CTNNA3: variants seen among roughly 807,000 people sequenced by gnomAD.
CTNNA3 encodes catenin alpha 3, also known as catenin alpha-3.
In CTNNA3, 76 loss-of-function variants were observed where a neutral mutation model predicts 95.7. That is an observed-to-expected ratio of 0.79 (90% CI 0.66 to 0.96). CTNNA3 has a LOEUF of 0.96. Ranked by LOEUF, CTNNA3 falls within the 40% of genes least tolerant of loss-of-function variation. The probability of loss-of-function intolerance (pLI) is 0.00; values close to 1 mark genes in which losing one functional copy is unlikely to be tolerated. For missense variants in CTNNA3, 1,191 were observed against 1,089.8 expected, an observed-to-expected ratio of 1.09 and a Z score of -1.31; for synonymous variants, 431 against 374.4, an observed-to-expected ratio of 1.15 and a Z score of -1.74.
intron 7 of CTNNA3, among the ~76,000 whole-genome samples, chr10:67,018,502 G>C (rs1346694673): frequency 6.6e-6 from 1 of 152,186 alleles, no homozygotes. Flanking sequence ...TTATAAACAT[G>C]TTTGGGAACA....
At chr10:66,436,226 T>C (rs757695229) in intron 11 of CTNNA3, among the ~76,000 whole-genome samples, 5 of 152,136 alleles carry the variant, frequency 3.3e-5, no homozygotes, top group Non-Finnish European at 5.9e-5. Context: ...ATCCTGAATA[T>C]CCTTGTTAAT....
At chr10:66,015,708 A>G (rs931700490) in intron 15 of CTNNA3, among the ~76,000 whole-genome samples, 3 of 152,132 alleles carry the variant, frequency 2.0e-5, no homozygotes, top group Non-Finnish European at 2.9e-5. Context: ...CAACTTTTTC[A>G]TTACCTACAT....
intron 13 of CTNNA3, among the ~76,000 whole-genome samples, chr10:66,154,719 C>CATATATATATAT (rs569694429): frequency 0.038 from 2,858 of 74,778 alleles, 198 homozygotes; most frequent in East Asian, 0.12. Flanking sequence ...TGAAAAAGTT[C>CATATATATATAT]ATATATATAT....
chr10:66,259,141 G>A (rs2090902173), intron 13 of CTNNA3, among the ~76,000 whole-genome samples: 1 of 152,126 alleles, frequency 6.6e-6, no homozygotes, highest in African/African-American at 2.4e-5. Context: ...ACCTACAGAT[G>A]ACTATGCAAT....
intron 9 of CTNNA3, among the ~76,000 whole-genome samples, chr10:66,702,707 CAAAAAAAA>C (rs36140474): frequency 1.2e-5 from 1 of 81,250 alleles, no homozygotes; most frequent in Non-Finnish European, 2.3e-5. Context: ...AACTCCACCT[CAAAAAAAA>C]AAAAAAAAAA....
intron 7 of CTNNA3, among the ~76,000 whole-genome samples, chr10:67,084,264 C>G (rs1439382321): frequency 6.6e-6 from 1 of 151,876 alleles, no homozygotes; most frequent in East Asian, 1.9e-4. Flanking sequence ...AAATCTACAC[C>G]TGGAGTGAGA....
At chr10:66,078,831 G>C (rs2080632588) in intron 14 of CTNNA3, 1 of 151,714 alleles carries the variant, frequency 6.6e-6, no homozygotes, top group South Asian at 2.1e-4. Context: ...TATTATAAAG[G>C]CTGTGAGGAA....
intron 5 of CTNNA3, among the ~76,000 whole-genome samples, chr10:67,262,292 T>G (rs1333277636): frequency 1.3e-5 from 2 of 152,146 alleles, no homozygotes; most frequent in Non-Finnish European, 2.9e-5. Flanking sequence ...ATAAAAATAA[T>G]TTTATATGCA....
At chr10:66,385,494 C>T (rs1589171772) in intron 11 of CTNNA3, among the ~76,000 whole-genome samples, 1 of 152,218 alleles carries the variant, frequency 6.6e-6, no homozygotes, top group East Asian at 1.9e-4. Flanking sequence ...GGATTCACAG[C>T]CAAATTCTAC....
intron 7 of CTNNA3, among the ~76,000 whole-genome samples, chr10:67,073,353 C>T (rs776067109): frequency 5.9e-5 from 9 of 152,122 alleles, no homozygotes; most frequent in Non-Finnish European, 1.3e-4. Flanking sequence ...CAGTATTTTA[C>T]CTTCAACCAT....
At chr10:66,487,736 A>G (rs1443997402) in intron 11 of CTNNA3, among the ~76,000 whole-genome samples, 1 of 152,192 alleles carries the variant, frequency 6.6e-6, no homozygotes, top group Non-Finnish European at 1.5e-5. Flanking sequence ...AAACCTTGCA[A>G]TCTCCTGCCA....
intron 1 of CTNNA3, among the ~76,000 whole-genome samples, chr10:67,650,774 T>C (rs1049857415): frequency 2.0e-5 from 3 of 152,226 alleles, no homozygotes; most frequent in African/African-American, 7.2e-5. Flanking sequence ...AACCACGTTG[T>C]GTTTTCATCG....
intron 14 of CTNNA3, among the ~76,000 whole-genome samples, chr10:66,080,686 T>C (rs1480352963): frequency 1.3e-5 from 2 of 152,086 alleles, no homozygotes; most frequent in Non-Finnish European, 2.9e-5. Flanking sequence ...ACTGCTGCAA[T>C]GGAGGCAGAG....
rs75967727 is a variant in CTNNA3 at position 66,030,341 on chromosome 10, C to A, written c.2159+38967G>T. ...TACTACAAGGCTACAGTAACCAAAG[C>A]AGCATGCTACTGGTACAAAAACAGA... is the stretch of plus-strand genomic sequence containing the variant. On this transcript the variant is annotated intron_variant, in intron 15 of 17. Coordinates refer to ENST00000433211, the MANE Select transcript of CTNNA3 (RefSeq NM_013266.4). Among the ~76,000 whole-genome samples, 894 of 152,254 alleles carry A rather than the reference C, an allele frequency of 5.9e-3. 13 individuals carry two copies. The highest frequency in any genetic ancestry group is 0.02 in the African/African-American group (830 of 41,558).
intron 11 of CTNNA3, among the ~76,000 whole-genome samples, chr10:66,462,401 T>C (rs999829250): frequency 6.6e-6 from 1 of 152,124 alleles, no homozygotes; most frequent in Non-Finnish European, 1.5e-5. Context: ...AACCTTTTTT[T>C]ATTCTTAGTG....
rs373233387 is a variant in CTNNA3, at chr10:67,521,843, T to C, written c.578A>G (p.Gln193Arg). ...NLDYLAFKRQ[Q>R]DLKSPNQRDE... ...ACCAAGGAGAGCTCTGACTCCTACC[T>C]GCTGACGTTTGAAGGCTAAATAATC... The change falls in exon 5 of 18, where the codon CAG (glutamine) becomes CGG (arginine). Residue 193 changes from glutamine (Q) to arginine (R), a missense_variant and splice_region_variant. Physicochemically the swap from Gln to Arg is conservative, Grantham distance 43 (BLOSUM62 1). Coordinates refer to ENST00000433211, the MANE Select transcript of CTNNA3 (RefSeq NM_013266.4). The C allele has an allele frequency of 1.7e-4, 280 of 1,613,374 alleles. 1 individual carries two copies. Among genetic ancestry groups the C allele is most frequent in the Non-Finnish European group, 2.2e-4 (263 of 1,179,612 alleles).
chr10:66,861,193 AAAC>A (rs1843908302), intron 7 of CTNNA3, among the ~76,000 whole-genome samples: 1 of 152,222 alleles, frequency 6.6e-6, no homozygotes, highest in Non-Finnish European at 1.5e-5. Flanking sequence ...CTTGCATTAA[AAAC>A]AACAATAAAC....
chr10:67,651,581 T>C (rs896361518), intron 1 of CTNNA3, among the ~76,000 whole-genome samples: 3 of 152,208 alleles, frequency 2.0e-5, no homozygotes, highest in African/African-American at 7.2e-5. Flanking sequence ...CAAATCTCTT[T>C]CCAGATATGT....
At chr10:66,491,023 T>C (rs1589325507) in intron 11 of CTNNA3, among the ~76,000 whole-genome samples, 3 of 152,324 alleles carry the variant, frequency 2.0e-5, no homozygotes, top group Admixed American at 1.3e-4. Context: ...ACTGATATCT[T>C]GAAATTCCTC....
Sources: gnomAD v4.1 joint callset for allele counts (sites outside exome capture counted in the v4.1 genomes callset) on GRCh38, gnomAD v4.1.1 for gene constraint, MANE v1.5 for transcripts, NCBI Gene and HGNC (gene_info 2026-07-23, HGNC 2026-07-21) for gene names.